Variants in SEMA6D observed in about 807,000 individuals in gnomAD.
The protein encoded by SEMA6D is semaphorin 6D, also known as semaphorin-6D.
SEMA6D carries 35 observed loss-of-function variants against 106.6 expected under a neutral mutation model. The observed-to-expected ratio is 0.33, with a 90% confidence interval of 0.25 to 0.44. SEMA6D has a LOEUF of 0.44. Ranked by LOEUF, SEMA6D falls within the 20% of genes least tolerant of loss-of-function variation. The pLI is 1.00. For missense variants in SEMA6D, 1,185 were observed against 1,345.9 expected (o/e 0.88, Z 1.87); for synonymous variants, 499 against 487.7 (o/e 1.02, Z -0.31).
At chr15:47,246,325 TGAA>T (rs1183969051) in intron 1 of SEMA6D, among the ~76,000 whole-genome samples, 2 of 151,930 alleles carry the variant, frequency 1.3e-5, no homozygotes, top group Non-Finnish European at 2.9e-5. Flanking sequence ...GCTGGGTGCA[TGAA>T]GGAGGAAGAT....
At chr15:47,480,448 T>G (rs1324752794) in intron 3 of SEMA6D, among the ~76,000 whole-genome samples, 1 of 152,050 alleles carries the variant, frequency 6.6e-6, no homozygotes, top group Non-Finnish European at 1.5e-5. Context: ...TGAAACTGAT[T>G]CCCCATTATT....
At chr15:47,661,947 G>A (rs2077928473) in intron 4 of SEMA6D, among the ~76,000 whole-genome samples, 1 of 152,106 alleles carries the variant, frequency 6.6e-6, no homozygotes, top group Admixed American at 6.5e-5. Context: ...TTCATTTCTG[G>A]CATTCCTAAC....
At chr15:47,386,926 C>T (rs753079273) in intron 1 of SEMA6D, among the ~76,000 whole-genome samples, 2 of 152,206 alleles carry the variant, frequency 1.3e-5, no homozygotes, top group Non-Finnish European at 2.9e-5. Context: ...TAAGGGATGG[C>T]AATGAAGGAT....
intron 1 of SEMA6D, among the ~76,000 whole-genome samples, chr15:47,279,665 G>T (rs905564233): frequency 1.0e-3 from 158 of 152,146 alleles, no homozygotes; most frequent in African/African-American, 3.7e-3. Flanking sequence ...CTGTGGGTTT[G>T]TCATAGGTAG....
chr15:47,218,783 C>G (rs62013969), intron 1 of SEMA6D, among the ~76,000 whole-genome samples: 3 of 152,138 alleles, frequency 2.0e-5, no homozygotes, highest in Non-Finnish European at 2.9e-5. Context: ...TCTCATCTAA[C>G]GGTCACAGTA....
At chr15:47,390,910 G>A (rs1215372007) in intron 1 of SEMA6D, among the ~76,000 whole-genome samples, 1 of 152,116 alleles carries the variant, frequency 6.6e-6, no homozygotes, top group Non-Finnish European at 1.5e-5. Flanking sequence ...AGAAGCAGGA[G>A]GATGCAACTC....
chr15:47,324,857 A>G (rs2037064052), intron 1 of SEMA6D, among the ~76,000 whole-genome samples: 1 of 152,010 alleles, frequency 6.6e-6, no homozygotes, highest in African/African-American at 2.4e-5. Flanking sequence ...TATTCTGCTT[A>G]TTTCACTTAG....
chr15:47,408,363 AACAT>A, intron 1 of SEMA6D, among the ~76,000 whole-genome samples: 1 of 152,342 alleles, frequency 6.6e-6, no homozygotes, highest in South Asian at 2.1e-4. Flanking sequence ...ATCTTATGAA[AACAT>A]ACACAGAACA....
chr15:47,748,260 A>G (rs1288601201), intron 1 of SEMA6D, among the ~76,000 whole-genome samples: 3 of 152,188 alleles, frequency 2.0e-5, no homozygotes, highest in African/African-American at 7.2e-5. Flanking sequence ...TGTTGGGTTG[A>G]TGGTGGAGAG....
chr15:47,749,799 C>G (rs1329538207), intron 1 of SEMA6D, among the ~76,000 whole-genome samples: 1 of 152,092 alleles, frequency 6.6e-6, no homozygotes, highest in South Asian at 2.1e-4. Flanking sequence ...GTCATGTGAG[C>G]ACATCCCTAG....
chr15:47,677,899 C>T (rs1355589184), intron 4 of SEMA6D, among the ~76,000 whole-genome samples: 1 of 152,086 alleles, frequency 6.6e-6, no homozygotes, highest in Non-Finnish European at 1.5e-5. Context: ...TTCACAAAAG[C>T]ACACCCATGT....
rs575624922 is a variant in SEMA6D at position 47,306,286 on chromosome 15, T to C, written c.-238-106107T>C. On this transcript the variant is annotated intron_variant, in intron 1 of 19. Transcript: ENST00000558014. Reference sequence around the variant, plus strand: ...GTATGAGCCACCGCGCCTGGCCCAATGGTAACTCATCTTCTAGCTGGCTCT... The same window carrying C: ...GTATGAGCCACCGCGCCTGGCCCAACGGTAACTCATCTTCTAGCTGGCTCT... Among the ~76,000 whole-genome samples the C allele has an allele frequency of 2.2e-3, 336 of 152,136 alleles. 1 individual carries two copies. Among genetic ancestry groups the C allele is most frequent in the African/African-American group, 7.7e-3 (321 of 41,522 alleles).
At chr15:47,581,279 G>A in intron 3 of SEMA6D, 1 of 459,056 alleles carries the variant, frequency 2.2e-6, no homozygotes, top group South Asian at 1.6e-5. Context: ...CATAAGTCCT[G>A]TGGTTTACAT....
At chr15:47,539,414 TTTTTG>T (rs1415021083) in intron 3 of SEMA6D, among the ~76,000 whole-genome samples, 1 of 151,732 alleles carries the variant, frequency 6.6e-6, no homozygotes, top group Admixed American at 6.6e-5. Context: ...TCAGTTTTTT[TTTTTG>T]TTTGTTTGTT....
intron 3 of SEMA6D, among the ~76,000 whole-genome samples, chr15:47,560,615 AG>A: frequency 6.6e-6 from 1 of 152,120 alleles, no homozygotes. Context: ...GAATTTTTAG[AG>A]GGGAAAAAAA....
rs1305515013 is a variant in SEMA6D, at chr15:47,379,054, TG to T, written c.-238-33338del. Among the ~76,000 whole-genome samples, 13 of 152,356 alleles carry T rather than the reference TG, an allele frequency of 8.5e-5. No homozygotes were observed. The East Asian group carries it at 2.5e-3, about 29-fold the overall frequency. On this transcript the variant is annotated intron_variant, in intron 1 of 19. Transcript: ENST00000558014. ...GGAAGATTTTTTCTGCCTCTATAAC[TG>T]CCGTAACCTGGAACATAATTTCCAA... is the stretch of plus-strand genomic sequence containing the variant.
intron 3 of SEMA6D, among the ~76,000 whole-genome samples, chr15:47,473,919 G>A (rs2042928151): frequency 6.6e-6 from 1 of 151,838 alleles, no homozygotes; most frequent in African/African-American, 2.4e-5. Context: ...TCTTACATGG[G>A]GCAAGAAAAA....
chr15:47,232,250 G>A (rs755826681), intron 1 of SEMA6D, among the ~76,000 whole-genome samples: 51 of 152,042 alleles, frequency 3.4e-4, no homozygotes, highest in African/African-American at 1.2e-3. Context: ...TCATTCATCA[G>A]TCAATAAACA....
intron 4 of SEMA6D, among the ~76,000 whole-genome samples, chr15:47,691,501 C>G (rs2078585234): frequency 6.6e-6 from 1 of 152,150 alleles, no homozygotes; most frequent in Non-Finnish European, 1.5e-5. Context: ...AGGTTTGAAT[C>G]ATAGGTCTGC....
Sources: gnomAD v4.1 joint callset for allele counts (sites outside exome capture counted in the v4.1 genomes callset) on GRCh38, gnomAD v4.1.1 for gene constraint, MANE v1.5 for transcripts, NCBI Gene and HGNC (gene_info 2026-07-23, HGNC 2026-07-21) for gene names.